The following CDH18 variants were observed in gnomAD, a reference collection of about 807,000 sequenced individuals.
The protein encoded by CDH18 is cadherin-18.
A neutral mutation model predicts 67.9 loss-of-function variants in CDH18; 31 were observed. That is an observed-to-expected ratio of 0.46 (90% CI 0.34 to 0.62). The LOEUF is 0.62. CDH18 is among the 20% of genes least tolerant of loss of function. CDH18 has a pLI of 0.01. For synonymous variants in CDH18, 362 were observed against 347.2 expected (o/e 1.04, Z -0.48); for missense variants, 890 against 975.5 (o/e 0.91, Z 1.17).
At chr5:19,656,981 T>C (rs1315058858) in intron 5 of CDH18, among the ~76,000 whole-genome samples, 1 of 152,008 alleles carries the variant, frequency 6.6e-6, no homozygotes, top group East Asian at 1.9e-4. Context: ...CAACATGGTA[T>C]GGGAATGAAG....
At chr5:20,170,817 T>C (rs1736642626) in intron 2 of CDH18, among the ~76,000 whole-genome samples, 2 of 151,958 alleles carry the variant, frequency 1.3e-5, no homozygotes, top group African/African-American at 2.4e-5. Context: ...CTAAGCCTTG[T>C]ACCCAAAAGT....
intron 3 of CDH18, among the ~76,000 whole-genome samples, chr5:19,784,948 CAACT>C (rs1236273799): frequency 6.6e-6 from 1 of 152,218 alleles, no homozygotes; most frequent in Non-Finnish European, 1.5e-5. Context: ...CTCATTCAAC[CAACT>C]ATCAATGAGA....
rs1757766914 is a variant in CDH18 at position 20,553,798 on chromosome 5, G to A, written c.-580+21664C>T. On this transcript the variant is annotated intron_variant, in intron 1 of 14. Coordinates refer to the CDH18 transcript ENST00000507958. The stretch of plus-strand genomic sequence containing the variant: ...TTACTTGTACTAATTTACAAATAAG[G>A]ATTTGAACATAGCAATCCTCTTGCT... Among the ~76,000 whole-genome samples, 3 of 152,076 alleles carry A rather than the reference G, an allele frequency of 2.0e-5. No homozygotes were observed. In the South Asian group the frequency reaches 6.2e-4, roughly 32 times the overall value.
At chr5:20,043,062 G>A (rs927122211) in intron 2 of CDH18, among the ~76,000 whole-genome samples, 1 of 152,006 alleles carries the variant, frequency 6.6e-6, no homozygotes, top group African/African-American at 2.4e-5. Context: ...TTTTGGATTG[G>A]ATAATTCTTT....
chr5:19,747,685 AAATT>A (rs922619595), intron 3 of CDH18, among the ~76,000 whole-genome samples: 62 of 152,182 alleles, frequency 4.1e-4, no homozygotes, highest in African/African-American at 1.4e-3. Flanking sequence ...ATTGAGGTTC[AAATT>A]AATTATTAAA....
intron 1 of CDH18, among the ~76,000 whole-genome samples, chr5:20,379,507 G>A (rs754283844): frequency 6.6e-6 from 1 of 151,988 alleles, no homozygotes; most frequent in Non-Finnish European, 1.5e-5. Context: ...CCTCTATACA[G>A]CTACCATATA....
At chr5:19,528,226 C>T (rs7719161) in intron 9 of CDH18, among the ~76,000 whole-genome samples, 5,197 of 151,588 alleles carry the variant, frequency 0.034, 293 homozygotes, top group African/African-American at 0.12. Context: ...TTGTGTATAA[C>T]GCCTGTGAAC....
chr5:20,489,921 T>C (rs1581098992), intron 1 of CDH18, among the ~76,000 whole-genome samples: 1 of 151,820 alleles, frequency 6.6e-6, no homozygotes, highest in East Asian at 1.9e-4. Flanking sequence ...TAGATTCAAC[T>C]TTACTAAAAT....
At chr5:19,775,397 G>C (rs1774240683) in intron 3 of CDH18, among the ~76,000 whole-genome samples, 1 of 152,148 alleles carries the variant, frequency 6.6e-6, no homozygotes, top group South Asian at 2.1e-4. Context: ...GAAGCATAGA[G>C]GAATCTGCTT....
chr5:19,691,395 A>G (rs944977966), intron 5 of CDH18, among the ~76,000 whole-genome samples: 1 of 151,948 alleles, frequency 6.6e-6, no homozygotes, highest in Admixed American at 6.6e-5. Flanking sequence ...AGCCATAGAC[A>G]TCAGAAAATA....
chr5:19,629,856 C>T (rs1752146381), intron 5 of CDH18, among the ~76,000 whole-genome samples: 1 of 151,840 alleles, frequency 6.6e-6, no homozygotes, highest in Non-Finnish European at 1.5e-5. Context: ...AAATAGACAA[C>T]ATATCACAAA....
chr5:20,449,477 A>ATAAATTGTG (rs1750261289), intron 1 of CDH18, among the ~76,000 whole-genome samples: 1 of 152,120 alleles, frequency 6.6e-6, no homozygotes, highest in South Asian at 2.1e-4. Flanking sequence ...GACATAATTT[A>ATAAATTGTG]TAAATTGTGT....
intron 2 of CDH18, among the ~76,000 whole-genome samples, chr5:19,963,788 G>T (rs560892019): frequency 6.6e-6 from 1 of 151,980 alleles, no homozygotes; most frequent in East Asian, 2.0e-4. Flanking sequence ...AAGTTTAATC[G>T]ACTCACAGTT....
intron 1 of CDH18, among the ~76,000 whole-genome samples, chr5:20,467,868 TTA>T (rs1437369354): frequency 6.6e-6 from 1 of 152,166 alleles, no homozygotes; most frequent in African/African-American, 2.4e-5. Context: ...TACTATTTCC[TTA>T]TTTAATTTTC....
At chr5:20,413,526 T>G (rs537371974) in intron 1 of CDH18, among the ~76,000 whole-genome samples, 1 of 152,198 alleles carries the variant, frequency 6.6e-6, no homozygotes, top group African/African-American at 2.4e-5. Flanking sequence ...GGATATTATC[T>G]CATTGTGGTT....
chr5:19,564,584 G>A (rs889376819), intron 8 of CDH18, among the ~76,000 whole-genome samples: 4 of 152,134 alleles, frequency 2.6e-5, no homozygotes, highest in Non-Finnish European at 5.9e-5. Context: ...ATTACTCATC[G>A]TGGGCTTTTG....
intron 5 of CDH18, among the ~76,000 whole-genome samples, chr5:19,634,176 C>A (rs1452999276): frequency 1.3e-5 from 2 of 152,130 alleles, no homozygotes; most frequent in Admixed American, 6.5e-5. Context: ...GCTATGTTTG[C>A]AGAATTGTTT....
intron 2 of CDH18, among the ~76,000 whole-genome samples, chr5:20,028,808 G>T (rs1739139449): frequency 6.6e-6 from 1 of 151,982 alleles, no homozygotes; most frequent in African/African-American, 2.4e-5. Context: ...GCTTATTTCT[G>T]CAATTTGTCA....
At chr5:20,160,177 C>T (rs1751863794) in intron 2 of CDH18, among the ~76,000 whole-genome samples, 1 of 152,188 alleles carries the variant, frequency 6.6e-6, no homozygotes, top group Non-Finnish European at 1.5e-5. Context: ...CAATACTCTT[C>T]AGTTACATAC....
Sources: gnomAD v4.1 joint callset for allele counts (sites outside exome capture counted in the v4.1 genomes callset) on GRCh38, gnomAD v4.1.1 for gene constraint, MANE v1.5 for transcripts, NCBI Gene and HGNC (gene_info 2026-07-23, HGNC 2026-07-21) for gene names.